Variants in SLC25A48 observed in about 807,000 individuals in gnomAD.
SLC25A48 encodes the protein solute carrier family 25 member 48.
In SLC25A48, 29 loss-of-function variants were observed where a neutral mutation model predicts 32.2. The ratio of observed to expected loss-of-function variants is 0.90; its 90% CI spans 0.67 to 1.23. The LOEUF (loss-of-function observed/expected upper bound fraction) is 1.23. SLC25A48 is among the 50% of genes most tolerant of loss of function. The probability of loss-of-function intolerance (pLI) is 0.00; values close to 1 mark genes in which losing one functional copy is unlikely to be tolerated. For missense variants in SLC25A48, 399 were observed against 422.7 expected (o/e 0.94, Z 0.49); for synonymous variants, 164 against 172.3 (o/e 0.95, Z 0.38).
At chr5:135,600,186 C>G (rs1339755313) in intron 1 of SLC25A48, among the ~76,000 whole-genome samples, 3 of 152,180 alleles carry the variant, frequency 2.0e-5, no homozygotes, top group Non-Finnish European at 4.4e-5. Context: ...TAGATGGAGG[C>G]GCTTCTAAGG....
Position 135,888,051 on chromosome 5 carries a change from TAC to T in SLC25A48, c.*29_*30del. 6.4e-7 allele frequency: 1 copy of T among 1,551,766 alleles called. No individual in the cohort carries two copies. Among genetic ancestry groups the T allele is most frequent in the Non-Finnish European group, 8.7e-7 (1 of 1,146,868 alleles). ...TTCCAGGAGGTGAACACAGGATGAC[TAC>T]AGTGTTCCCTGGGCCTCATCTCTGC... On this transcript the variant is annotated 3_prime_UTR_variant, in exon 8 of 8. Coordinates refer to ENST00000681962, the MANE Select transcript of SLC25A48 (RefSeq NM_001349336.2).
At chr5:135,619,125 A>C (rs573729128) in intron 1 of SLC25A48, among the ~76,000 whole-genome samples, 1 of 152,220 alleles carries the variant, frequency 6.6e-6, no homozygotes, top group South Asian at 2.1e-4. Context: ...GGGACACCAA[A>C]ACTATGAATA....
intron 7 of SLC25A48, among the ~76,000 whole-genome samples, chr5:135,885,980 A>G (rs900133315): frequency 9.2e-5 from 14 of 152,166 alleles, no homozygotes; most frequent in African/African-American, 2.9e-4. Flanking sequence ...TGGGCATTGA[A>G]AAACCCTTGA....
At position 135,659,327 on chromosome 5, in the gene SLC25A48, CTT is replaced by C. The variant is rs371192369; in HGVS notation, c.-521+24373_-521+24374del. ...AGCAGGGGCACAATGCTGCCAATCT[CTT>C]TGCTAAAGCATAGCAAGAGGGACCT... On this transcript the variant is annotated intron_variant, in intron 3 of 10. Coordinates refer to the SLC25A48 transcript ENST00000646290. Among the ~76,000 whole-genome samples, 98 of 152,330 alleles carry C rather than the reference CTT, an allele frequency of 6.4e-4. 1 individual carries two copies. The highest frequency in any genetic ancestry group is 2.3e-3 in the African/African-American group (94 of 41,574).
At chr5:135,874,883 G>T in intron 6 of SLC25A48, 1 of 487,884 alleles carries the variant, frequency 2.0e-6, no homozygotes, top group Non-Finnish European at 3.6e-6. Flanking sequence ...CTTTCTTGGT[G>T]TGGCTCTTAG....
intron 3 of SLC25A48, among the ~76,000 whole-genome samples, chr5:135,748,510 T>C (rs901289490): frequency 6.6e-6 from 1 of 151,506 alleles, no homozygotes; most frequent in African/African-American, 2.4e-5. Flanking sequence ...CTGACCTCAG[T>C]TGATCCGCCT....
rs890141338 is a variant in SLC25A48, at chr5:135,827,823, A to G, written c.-116-14593A>G. The stretch of plus-strand genomic sequence containing the variant: ...GCCTCTGTGCCCTTCTCCACTGCTC[A>G]CAACTTAGCTTGTCATTTTAGTTTG... On this transcript the variant is annotated intron_variant, in intron 4 of 10. Transcript: ENST00000646290. 1.9e-4 allele frequency among the ~76,000 whole-genome samples: 28 copies of G among 150,468 alleles called. 1 individual carries two copies. The highest frequency in any genetic ancestry group is 6.9e-4 in the African/African-American group (28 of 40,538).
At chr5:135,630,501 T>C (rs1752531368) in intron 2 of SLC25A48, among the ~76,000 whole-genome samples, 1 of 151,284 alleles carries the variant, frequency 6.6e-6, no homozygotes, top group Admixed American at 6.6e-5. Context: ...TGGATGGAAA[T>C]TTAGAAACTA....
chr5:135,799,802 G>A (rs951765615), intron 3 of SLC25A48, among the ~76,000 whole-genome samples: 1 of 151,756 alleles, frequency 6.6e-6, no homozygotes, highest in Non-Finnish European at 1.5e-5. Context: ...ATATTCAGTA[G>A]TGGAGAGGAT....
rs185485987 is a variant in SLC25A48, at chr5:135,771,170, C to G, written c.-520-41353C>G. 6.6e-5 allele frequency among the ~76,000 whole-genome samples: 10 copies of G among 151,060 alleles called. No homozygotes were observed. The East Asian group carries it at 1.8e-3, about 27-fold the overall frequency. On this transcript the variant is annotated intron_variant, in intron 3 of 10. Transcript: ENST00000646290. The stretch of plus-strand genomic sequence containing the variant: ...GAAAATGATATTAATTTCAATATCG[C>G]GGGTGGTGTACACCCCCCTGTGATA...
chr5:135,724,374 C>T (rs945247215), intron 3 of SLC25A48, among the ~76,000 whole-genome samples: 3 of 151,368 alleles, frequency 2.0e-5, no homozygotes, highest in African/African-American at 7.3e-5. Context: ...TCATCCCATA[C>T]CTCCTTGGAG....
chr5:135,600,079 A>G (rs377004546), intron 1 of SLC25A48, among the ~76,000 whole-genome samples: 1 of 152,266 alleles, frequency 6.6e-6, no homozygotes, highest in South Asian at 2.1e-4. Flanking sequence ...TGAGTTGTCA[A>G]GGATACTTCT....
At chr5:135,811,869 G>A (rs1254654236) in intron 3 of SLC25A48, among the ~76,000 whole-genome samples, 1 of 152,162 alleles carries the variant, frequency 6.6e-6, no homozygotes, top group African/African-American at 2.4e-5. Context: ...ATCACCTGAG[G>A]TCAGGAGTTT....
chr5:135,871,129 G>T (rs972525251), intron 4 of SLC25A48, among the ~76,000 whole-genome samples: 4 of 149,810 alleles, frequency 2.7e-5, no homozygotes, highest in African/African-American at 9.8e-5. Flanking sequence ...GGATTTTCTA[G>T]CTTCAAAGAA....
intron 3 of SLC25A48, among the ~76,000 whole-genome samples, chr5:135,719,833 C>A (rs1391497848): frequency 2.0e-5 from 3 of 152,188 alleles, no homozygotes; most frequent in Admixed American, 2.0e-4. Flanking sequence ...TGGCACCAAC[C>A]ACCTGCCCCT....
chr5:135,871,060 G>GACACACACAC (rs10569008), intron 4 of SLC25A48, among the ~76,000 whole-genome samples: 4 of 137,682 alleles, frequency 2.9e-5, no homozygotes, highest in East Asian at 4.5e-4. Context: ...TGTGTACACA[G>GACACACACAC]ACACACACAC....
At chr5:135,800,056 C>T (rs2126641490) in intron 3 of SLC25A48, among the ~76,000 whole-genome samples, 1 of 151,610 alleles carries the variant, frequency 6.6e-6, no homozygotes, top group South Asian at 2.1e-4. Flanking sequence ...CCCAATATTG[C>T]AGGAACTGTA....
At chr5:135,870,913 A>G (rs977910087) in intron 4 of SLC25A48, among the ~76,000 whole-genome samples, 8 of 151,440 alleles carry the variant, frequency 5.3e-5, no homozygotes, top group South Asian at 2.1e-4. Context: ...AATTATAAAT[A>G]TTAAATTATA....
At chr5:135,741,418 G>A (rs1162731980) in intron 3 of SLC25A48, among the ~76,000 whole-genome samples, 3 of 152,154 alleles carry the variant, frequency 2.0e-5, no homozygotes, top group Non-Finnish European at 4.4e-5. Flanking sequence ...AGGATCATAT[G>A]TTGGTACTTA....
Sources: allele counts gnomAD v4.1 joint callset (sites outside exome capture counted in the v4.1 genomes callset), GRCh38; gene constraint gnomAD v4.1.1; transcripts MANE v1.5; gene names NCBI Gene and HGNC (gene_info 2026-07-23, HGNC 2026-07-21).